PTPRD: variants seen among roughly 807,000 people sequenced by gnomAD.
PTPRD encodes protein tyrosine phosphatase receptor type D, also known as receptor-type tyrosine-protein phosphatase delta.
PTPRD carries 34 observed loss-of-function variants against 214.5 expected under a neutral mutation model. That is an observed-to-expected ratio of 0.16 (90% CI 0.12 to 0.21). The LOEUF (loss-of-function observed/expected upper bound fraction) is 0.21. Among genes scored for constraint, PTPRD ranks in the 10% least tolerant of loss-of-function variants. The pLI is 1.00. For missense variants in PTPRD, 2,545 were observed against 2,398.7 expected, an observed-to-expected ratio of 1.06 and a Z score of -1.27; for synonymous variants, 1,128 against 845.7, an observed-to-expected ratio of 1.33 and a Z score of -5.79.
chr9:9,748,596 G>A (rs893805868), intron 6 of PTPRD, among the ~76,000 whole-genome samples: 1 of 152,154 alleles, frequency 6.6e-6, no homozygotes, highest in Non-Finnish European at 1.5e-5. Flanking sequence ...TACTGCTGAG[G>A]TACTGAAGGA....
chr9:9,674,660 T>C (rs2096895546), intron 7 of PTPRD, among the ~76,000 whole-genome samples: 1 of 151,782 alleles, frequency 6.6e-6, no homozygotes, highest in Admixed American at 6.6e-5. Flanking sequence ...ACTAAGCGAA[T>C]TATATTAATC....
At chr9:8,428,723 G>A (rs2094853981) in intron 35 of PTPRD, among the ~76,000 whole-genome samples, 1 of 152,084 alleles carries the variant, frequency 6.6e-6, no homozygotes, top group Non-Finnish European at 1.5e-5. Context: ...TTGTTTGTAT[G>A]ATTCTTGAAT....
At chr9:8,747,931 T>C (rs932097445) in intron 11 of PTPRD, among the ~76,000 whole-genome samples, 1 of 152,142 alleles carries the variant, frequency 6.6e-6, no homozygotes, top group Non-Finnish European at 1.5e-5. Context: ...ACCTCCTTGT[T>C]AAGTGTGTCT....
Position 9,534,755 on chromosome 9 carries a change from A to G in PTPRD, c.-237+39977T>C, listed in dbSNP as rs183529507. On this transcript the variant is annotated intron_variant, in intron 8 of 45. Transcript: ENST00000381196. ...AAACCTCCCTGGAATCATTGTACAT[A>G]GTCATGCAGGACCACTTTTAGTTAT... 2.6e-5 allele frequency among the ~76,000 whole-genome samples: 4 copies of G among 152,008 alleles called. No homozygotes were observed. In the East Asian group the frequency reaches 7.8e-4, roughly 30 times the overall value.
intron 7 of PTPRD, among the ~76,000 whole-genome samples, chr9:9,665,811 A>G (rs1452068210): frequency 2.6e-5 from 4 of 151,978 alleles, no homozygotes. Context: ...AGGTAAACTA[A>G]GAAATTTGTT....
chr9:9,988,336 C>T (rs1386855602), intron 4 of PTPRD, among the ~76,000 whole-genome samples: 1 of 152,090 alleles, frequency 6.6e-6, no homozygotes, highest in East Asian at 1.9e-4. Context: ...TTTTCTCTAT[C>T]AGAAGTTCAG....
chr9:8,484,517 G>C, intron 29 of PTPRD, 139 bp from the exon 30 acceptor site: 1 of 824,998 alleles, frequency 1.2e-6, no homozygotes, highest in South Asian at 2.1e-5. Flanking sequence ...TCCATGAGTA[G>C]TCATAATTCT....
At chr9:9,414,952 G>A (rs2076563374) in intron 8 of PTPRD, 1 of 152,198 alleles carries the variant, frequency 6.6e-6, no homozygotes, top group Admixed American at 6.5e-5. Context: ...TCTGACTTTA[G>A]AAGGGCCACA....
intron 2 of PTPRD, among the ~76,000 whole-genome samples, chr9:10,558,772 T>G (rs1393781540): frequency 1.3e-5 from 2 of 152,158 alleles, no homozygotes; most frequent in East Asian, 1.9e-4. Context: ...ATGAATGGAT[T>G]CACTCAATGA....
At chr9:9,309,507 T>G (rs888501672) in intron 9 of PTPRD, among the ~76,000 whole-genome samples, 4 of 152,168 alleles carry the variant, frequency 2.6e-5, no homozygotes, top group Admixed American at 2.0e-4. Flanking sequence ...ATAATTTTGG[T>G]GTCCTCAGCG....
chr9:9,004,491 C>G (rs936080950), intron 11 of PTPRD, among the ~76,000 whole-genome samples: 1 of 151,576 alleles, frequency 6.6e-6, no homozygotes, highest in Non-Finnish European at 1.5e-5. Flanking sequence ...TTTTTTTTTA[C>G]TTGGCTCTTG....
At chr9:10,539,452 T>A (rs1000839999) in intron 2 of PTPRD, among the ~76,000 whole-genome samples, 1 of 152,244 alleles carries the variant, frequency 6.6e-6, no homozygotes, top group Non-Finnish European at 1.5e-5. Context: ...CCCAAAGTGC[T>A]GGGATTACAG....
chr9:9,048,133 T>C (rs2099676825), intron 10 of PTPRD, among the ~76,000 whole-genome samples: 1 of 152,116 alleles, frequency 6.6e-6, no homozygotes, highest in Non-Finnish European at 1.5e-5. Context: ...AGGGCTGATA[T>C]CCAAAAGACA....
chr9:10,077,921 A>G (rs2098161298), intron 3 of PTPRD, among the ~76,000 whole-genome samples: 1 of 151,978 alleles, frequency 6.6e-6, no homozygotes, highest in Non-Finnish European at 1.5e-5. Context: ...ACCTACCATA[A>G]TGTTAGTATT....
chr9:8,699,316 G>C (rs971407512), intron 12 of PTPRD, among the ~76,000 whole-genome samples: 3 of 152,118 alleles, frequency 2.0e-5, no homozygotes, highest in African/African-American at 4.8e-5. Flanking sequence ...CCCACAGAAA[G>C]ATGAGGCAGA....
chr9:9,869,124 T>TA (rs2064781895), intron 5 of PTPRD, among the ~76,000 whole-genome samples: 1 of 152,026 alleles, frequency 6.6e-6, no homozygotes, highest in African/African-American at 2.4e-5. Context: ...CCATTGGAGG[T>TA]AAAATGAGGA....
chr9:8,322,978 T>C (rs1432694191), intron 44 of PTPRD, among the ~76,000 whole-genome samples: 2 of 152,196 alleles, frequency 1.3e-5, no homozygotes, highest in African/African-American at 2.4e-5. Flanking sequence ...GGAAGAGTTA[T>C]ACATCTCTCA....
chr9:8,426,483 T>C (rs1028764362), intron 35 of PTPRD, among the ~76,000 whole-genome samples: 1 of 152,170 alleles, frequency 6.6e-6, no homozygotes, highest in Non-Finnish European at 1.5e-5. Context: ...TATGGTCTCT[T>C]GGAAGTTGAA....
At chr9:8,386,801 G>A (rs1001007475) in intron 37 of PTPRD, among the ~76,000 whole-genome samples, 2 of 152,118 alleles carry the variant, frequency 1.3e-5, no homozygotes, top group South Asian at 2.1e-4. Context: ...CTTTCTTCCC[G>A]CTACTTTAGG....
Sources: allele counts gnomAD v4.1 joint callset (sites outside exome capture counted in the v4.1 genomes callset), GRCh38; gene constraint gnomAD v4.1.1; transcripts MANE v1.5; gene names NCBI Gene and HGNC (gene_info 2026-07-23, HGNC 2026-07-21).